RNLS: variants seen among roughly 807,000 people sequenced by gnomAD.
RNLS encodes renalase.
A neutral mutation model predicts 39.8 loss-of-function variants in RNLS; 39 were observed. The ratio of observed to expected loss-of-function variants is 0.98; its 90% CI spans 0.76 to 1.28. RNLS has a LOEUF of 1.28. Ranked by LOEUF, RNLS falls within the 50% of genes most tolerant of loss-of-function variation. The pLI is 0.00. For missense variants in RNLS, 410 were observed against 413.3 expected, an observed-to-expected ratio of 0.99 and a Z score of 0.07; for synonymous variants, 147 against 150.7, an observed-to-expected ratio of 0.98 and a Z score of 0.18.
At chr10:88,466,094 G>A (rs1191920600) in intron 4 of RNLS, among the ~76,000 whole-genome samples, 1 of 152,054 alleles carries the variant, frequency 6.6e-6, no homozygotes, top group Non-Finnish European at 1.5e-5. Flanking sequence ...GGGAGAAAAG[G>A]ACATTCACTA....
chr10:88,563,737 C>A (rs368130140), intron 4 of RNLS, among the ~76,000 whole-genome samples: 4 of 151,620 alleles, frequency 2.6e-5, no homozygotes, highest in African/African-American at 9.7e-5. Context: ...ATTGAGTATC[C>A]CTGGAAAGTT....
intron 4 of RNLS, among the ~76,000 whole-genome samples, chr10:88,541,445 T>C (rs1287978350): frequency 6.6e-6 from 1 of 152,154 alleles, no homozygotes; most frequent in Non-Finnish European, 1.5e-5. Flanking sequence ...AATATCCACA[T>C]ATCCTTTTTT....
chr10:88,260,345 A>G, the RNLS span, among the ~76,000 whole-genome samples: 1 of 152,232 alleles, frequency 6.6e-6, no homozygotes, highest in Non-Finnish European at 1.5e-5. Context: ...TCTTCATCAA[A>G]TGTTTATCAG....
At chr10:88,558,341 T>C (rs1484146542) in intron 4 of RNLS, among the ~76,000 whole-genome samples, 2 of 152,198 alleles carry the variant, frequency 1.3e-5, no homozygotes, top group African/African-American at 4.8e-5. Context: ...ATATTTCTCA[T>C]GAAGTGGTTG....
intron 5 of RNLS, among the ~76,000 whole-genome samples, chr10:88,326,951 G>T (rs997241670): frequency 2.6e-5 from 4 of 152,186 alleles, no homozygotes; most frequent in Non-Finnish European, 5.9e-5. Context: ...TTGAATAGCT[G>T]CCCTGCTGGG....
intron 5 of RNLS, among the ~76,000 whole-genome samples, chr10:88,349,311 G>A (rs1848514996): frequency 6.6e-6 from 1 of 152,110 alleles, no homozygotes; most frequent in Non-Finnish European, 1.5e-5. Flanking sequence ...AAGTGAGAGG[G>A]CAAATGTTGT....
intron 4 of RNLS, among the ~76,000 whole-genome samples, chr10:88,375,836 T>C (rs1850949006): frequency 6.6e-6 from 1 of 151,734 alleles, no homozygotes. Flanking sequence ...TGCATGGGAG[T>C]CCCATAAAAT....
intron 4 of RNLS, among the ~76,000 whole-genome samples, chr10:88,374,520 C>G (rs1023685136): frequency 6.6e-5 from 10 of 152,136 alleles, no homozygotes; most frequent in African/African-American, 2.4e-4. Flanking sequence ...CCTGCGCTAA[C>G]ATATCCACCT....
At chr10:88,485,031 G>T (rs1013666561) in intron 4 of RNLS, among the ~76,000 whole-genome samples, 1 of 151,674 alleles carries the variant, frequency 6.6e-6, no homozygotes, top group Non-Finnish European at 1.5e-5. Flanking sequence ...ATATTGTTAA[G>T]ACGTTAATTG....
chr10:88,571,932 CT>C (rs1476115867), intron 4 of RNLS, among the ~76,000 whole-genome samples: 1 of 152,210 alleles, frequency 6.6e-6, no homozygotes, highest in Non-Finnish European at 1.5e-5. Context: ...AGTGCAAATT[CT>C]ACCACTGCCA....
intron 4 of RNLS, among the ~76,000 whole-genome samples, chr10:88,534,576 A>T (rs960414244): frequency 1.3e-5 from 2 of 152,184 alleles, no homozygotes; most frequent in Non-Finnish European, 2.9e-5. Flanking sequence ...TTTAATCTCT[A>T]AACCGTGGAT....
chr10:88,483,686 A>G (rs567818670), intron 4 of RNLS, among the ~76,000 whole-genome samples: 1 of 152,026 alleles, frequency 6.6e-6, no homozygotes, highest in Non-Finnish European at 1.5e-5. Flanking sequence ...TTTCTTGACA[A>G]TTTCTGGTTT....
chr10:88,172,182 A>G, the RNLS span, among the ~76,000 whole-genome samples: 2 of 152,308 alleles, frequency 1.3e-5, no homozygotes, highest in Non-Finnish European at 2.9e-5. Context: ...TCTTTTGGAT[A>G]AATACCCAGT....
At chr10:88,356,070 G>T (rs561508657) in intron 5 of RNLS, among the ~76,000 whole-genome samples, 1 of 152,200 alleles carries the variant, frequency 6.6e-6, no homozygotes, top group Non-Finnish European at 1.5e-5. Flanking sequence ...CATTGGAAAA[G>T]AGCAGTATTA....
At chr10:88,443,144 G>T (rs557155347) in intron 4 of RNLS, among the ~76,000 whole-genome samples, 1 of 151,920 alleles carries the variant, frequency 6.6e-6, no homozygotes, top group African/African-American at 2.4e-5. Context: ...TTTACCACTC[G>T]CTATACAAAT....
At chr10:88,233,064 A>T in the RNLS span, among the ~76,000 whole-genome samples, 1 of 152,206 alleles carries the variant, frequency 6.6e-6, no homozygotes, top group Admixed American at 6.5e-5. Flanking sequence ...AGGAAGTGGA[A>T]GAACTGGAGT....
intron 4 of RNLS, among the ~76,000 whole-genome samples, chr10:88,447,372 G>GACAA (rs150546052): frequency 0.71 from 108,234 of 151,476 alleles, 39,964 homozygotes; most frequent in African/African-American, 0.91. Flanking sequence ...ACCAATAACA[G>GACAA]ACAGAGAGCC....
intron 4 of RNLS, among the ~76,000 whole-genome samples, chr10:88,571,062 C>A (rs1473863705): frequency 1.3e-5 from 2 of 150,858 alleles, no homozygotes; most frequent in Non-Finnish European, 3.0e-5. Context: ...GGGCCTACTG[C>A]AGCCTTGACT....
the RNLS span, among the ~76,000 whole-genome samples, chr10:88,237,509 C>T: frequency 2.6e-5 from 4 of 151,992 alleles, no homozygotes; most frequent in East Asian, 1.9e-4. Flanking sequence ...GTAATATTTG[C>T]GGTGATAATA....
Sources: gnomAD v4.1 joint callset for allele counts (sites outside exome capture counted in the v4.1 genomes callset) on GRCh38, gnomAD v4.1.1 for gene constraint, MANE v1.5 for transcripts, NCBI Gene and HGNC (gene_info 2026-07-23, HGNC 2026-07-21) for gene names.